The following KLHL32 variants were observed in gnomAD, a reference collection of about 807,000 sequenced individuals.
KLHL32 encodes kelch like family member 32, also known as kelch-like protein 32.
In KLHL32, 35 loss-of-function variants were observed where a neutral mutation model predicts 64.8. The observed-to-expected ratio is 0.54, with a 90% confidence interval of 0.41 to 0.72. The LOEUF (loss-of-function observed/expected upper bound fraction) is 0.72. Ranked by LOEUF, KLHL32 falls within the 30% of genes least tolerant of loss-of-function variation. The probability of loss-of-function intolerance (pLI) is 0.00; values close to 1 mark genes in which losing one functional copy is unlikely to be tolerated. For synonymous variants in KLHL32, 259 were observed against 281.0 expected (o/e 0.92, Z 0.78); for missense variants, 589 against 768.5 (o/e 0.77, Z 2.76).
At chr6:96,965,128 T>C (rs984002484) in intron 1 of KLHL32, among the ~76,000 whole-genome samples, 1 of 152,248 alleles carries the variant, frequency 6.6e-6, no homozygotes, top group Non-Finnish European at 1.5e-5. Flanking sequence ...TAATTCGTTT[T>C]GCATAATGGC....
chr6:97,122,760 A>T (rs368979411), intron 7 of KLHL32, among the ~76,000 whole-genome samples: 1 of 152,224 alleles, frequency 6.6e-6, no homozygotes, highest in African/African-American at 2.4e-5. Flanking sequence ...TGAGGAATGT[A>T]TCATCATCAC....
chr6:96,944,502 A>T (rs1309520676), intron 1 of KLHL32, among the ~76,000 whole-genome samples: 2 of 152,164 alleles, frequency 1.3e-5, no homozygotes, highest in Non-Finnish European at 2.9e-5. Flanking sequence ...ATTCTACTAC[A>T]ATGGCCCCAT....
At chr6:97,002,768 C>T (rs774600756) in intron 3 of KLHL32, among the ~76,000 whole-genome samples, 4 of 152,176 alleles carry the variant, frequency 2.6e-5, no homozygotes, top group Non-Finnish European at 4.4e-5. Context: ...CAGTAGTGAC[C>T]TCCAGCTCCA....
rs528538496 is a variant in KLHL32 at position 96,925,351 on chromosome 6, A to G, written c.-66+325A>G. ...TTAAATGATGCCGTTATTTATTTTG[A>G]TATTTAAAATAAAATATACACTGAG... On this transcript the variant is annotated intron_variant, in intron 1 of 10. Coordinates refer to ENST00000369261, the MANE Select transcript of KLHL32 (RefSeq NM_052904.4). Among the ~76,000 whole-genome samples the G allele has an allele frequency of 3.1e-4, 47 of 152,254 alleles. No individual in the cohort carries two copies. The South Asian group carries it at 9.5e-3, about 31-fold the overall frequency.
chr6:96,982,327 T>G lies in KLHL32; in HGVS notation c.204+6150T>G, dbSNP rs1374640916. Among the ~76,000 whole-genome samples the G allele has an allele frequency of 6.6e-5, 10 of 152,324 alleles. No homozygotes were observed. The South Asian group carries it at 1.9e-3, about 28-fold the overall frequency. ...AATGCCCTTCTTTGTCTTCTTTTAT[T>G]GGTGTTGCCTTAAAGTCTGTTTTGT... On this transcript the variant is annotated intron_variant, in intron 3 of 10. Coordinates refer to ENST00000369261, the MANE Select transcript of KLHL32 (RefSeq NM_052904.4).
intron 10 of KLHL32, among the ~76,000 whole-genome samples, chr6:97,136,588 CATA>C (rs1367426591): frequency 6.6e-6 from 1 of 152,160 alleles, no homozygotes; most frequent in Non-Finnish European, 1.5e-5. Context: ...ACAAGTGGCA[CATA>C]AAGGAGCAGC....
intron 2 of KLHL32, among the ~76,000 whole-genome samples, chr6:96,967,299 T>C (rs1774562962): frequency 6.6e-6 from 1 of 152,220 alleles, no homozygotes; most frequent in Admixed American, 6.5e-5. Flanking sequence ...ATTCTTTGAA[T>C]GATACTATTT....
At chr6:97,025,101 T>A in intron 3 of KLHL32, 1 of 985,334 alleles carries the variant, frequency 1.0e-6, no homozygotes, top group Non-Finnish European at 1.2e-6. Context: ...CGAAGGCAGA[T>A]GTTTTACAAA....
chr6:97,003,330 C>A (rs1779267831), intron 3 of KLHL32, among the ~76,000 whole-genome samples: 1 of 150,788 alleles, frequency 6.6e-6, no homozygotes, highest in Admixed American at 6.7e-5. Flanking sequence ...CCTTTTCCCA[C>A]TTTTTAATGG....
At chr6:97,084,221 A>T (rs1793045273) in intron 5 of KLHL32, among the ~76,000 whole-genome samples, 1 of 152,226 alleles carries the variant, frequency 6.6e-6, no homozygotes. Context: ...TTATATTAAT[A>T]ATTGTAAGTT....
chr6:97,067,438 T>C (rs1395013291), intron 5 of KLHL32, among the ~76,000 whole-genome samples: 1 of 152,156 alleles, frequency 6.6e-6, no homozygotes, highest in Non-Finnish European at 1.5e-5. Context: ...TTAATGCTAA[T>C]TGATGGGGGG....
chr6:97,025,302 A>G (rs1782565233), intron 3 of KLHL32, among the ~76,000 whole-genome samples: 1 of 152,202 alleles, frequency 6.6e-6, no homozygotes, highest in African/African-American at 2.4e-5. Context: ...TGTTGACTGC[A>G]TTCTGGGCTT....
upstream of KLHL32, among the ~76,000 whole-genome samples, chr6:96,924,186 G>T (rs899396963): frequency 6.6e-6 from 1 of 152,318 alleles, no homozygotes; most frequent in Middle Eastern, 3.4e-3. Flanking sequence ...GGGCCGCTAG[G>T]ACTAGAGGCA....
intron 7 of KLHL32, among the ~76,000 whole-genome samples, chr6:97,117,671 T>C (rs1267687331): frequency 2.6e-5 from 4 of 152,236 alleles, no homozygotes; most frequent in African/African-American, 9.6e-5. Flanking sequence ...CATACCATTT[T>C]GATTTGAAAA....
intron 3 of KLHL32, among the ~76,000 whole-genome samples, chr6:96,983,339 CTCTT>C (rs559592027): frequency 1.7e-3 from 265 of 152,104 alleles, no homozygotes; most frequent in Non-Finnish European, 2.8e-3. Context: ...GTCTAAAATT[CTCTT>C]TTTTTGTTGT....
chr6:97,022,344 C>T (rs1782110405), intron 3 of KLHL32, among the ~76,000 whole-genome samples: 1 of 150,800 alleles, frequency 6.6e-6, no homozygotes, highest in South Asian at 2.1e-4. Context: ...ACAGCTGTTT[C>T]CTCTGCCTGG....
chr6:97,090,029 G>A (rs9400559), intron 6 of KLHL32, among the ~76,000 whole-genome samples: 72,589 of 151,818 alleles, frequency 0.48, 17,361 homozygotes, highest in East Asian at 0.59. Flanking sequence ...GTGGCAAAGA[G>A]GGACCATGTC....
At chr6:96,992,227 C>T (rs1388456061) in intron 3 of KLHL32, among the ~76,000 whole-genome samples, 2 of 152,246 alleles carry the variant, frequency 1.3e-5, no homozygotes, top group Non-Finnish European at 2.9e-5. Flanking sequence ...GGATCCATGG[C>T]TCCCGGGACC....
intron 4 of KLHL32, among the ~76,000 whole-genome samples, chr6:97,058,972 A>G (rs770242733): frequency 2.0e-5 from 3 of 152,250 alleles, no homozygotes; most frequent in Non-Finnish European, 2.9e-5. Flanking sequence ...TGAGGTAGAC[A>G]TCATTATTTT....
Sources: allele counts gnomAD v4.1 joint callset (sites outside exome capture counted in the v4.1 genomes callset), GRCh38; gene constraint gnomAD v4.1.1; transcripts MANE v1.5; gene names NCBI Gene and HGNC (gene_info 2026-07-23, HGNC 2026-07-21).